Variants in VGLL3 observed in about 807,000 individuals in gnomAD.
The protein encoded by VGLL3 is vestigial like family member 3.
In VGLL3, 18 loss-of-function variants were observed where a neutral mutation model predicts 29.2. The ratio of observed to expected loss-of-function variants is 0.62; its 90% CI spans 0.43 to 0.91. The LOEUF is 0.91. Among genes scored for constraint, VGLL3 ranks in the 40% least tolerant of loss-of-function variants. The pLI, the probability that VGLL3 is intolerant of heterozygous loss-of-function variation, is 0.00. For missense variants in VGLL3, 440 were observed against 413.2 expected (o/e 1.06, Z -0.56); for synonymous variants, 180 against 151.8 (o/e 1.19, Z -1.36).
intron 3 of VGLL3, among the ~76,000 whole-genome samples, chr3:86,950,395 T>G (rs183647934): frequency 6.6e-6 from 1 of 152,136 alleles, no homozygotes; most frequent in African/African-American, 2.4e-5. Flanking sequence ...ATGAAAAAAT[T>G]TAAGTTAAGA....
intron 2 of VGLL3, among the ~76,000 whole-genome samples, chr3:86,976,124 A>C (rs945117425): frequency 1.3e-5 from 2 of 152,064 alleles, no homozygotes; most frequent in African/African-American, 4.8e-5. Context: ...CAAAAAAAAA[A>C]AGTTCTAAAG....
intron 2 of VGLL3, among the ~76,000 whole-genome samples, chr3:86,974,742 T>TA (rs1559730566): frequency 6.6e-6 from 1 of 152,200 alleles, no homozygotes; most frequent in Non-Finnish European, 1.5e-5. Flanking sequence ...GGCACTGTAA[T>TA]AACTTTATGC....
chr3:86,956,079 T>C (rs1373652629), intron 3 of VGLL3, among the ~76,000 whole-genome samples: 1 of 152,220 alleles, frequency 6.6e-6, no homozygotes, highest in Non-Finnish European at 1.5e-5. Context: ...TATCTGTAAA[T>C]TCCTCAGGCC....
At chr3:86,974,281 C>A (rs1418165376) in intron 2 of VGLL3, among the ~76,000 whole-genome samples, 2 of 151,950 alleles carry the variant, frequency 1.3e-5, no homozygotes, top group African/African-American at 2.4e-5. Flanking sequence ...CCTTGCCTGG[C>A]TAATTTTTTG....
chr3:86,964,421 G>C (rs780206721), intron 3 of VGLL3, among the ~76,000 whole-genome samples: 17 of 152,046 alleles, frequency 1.1e-4, no homozygotes, highest in Non-Finnish European at 2.5e-4. Flanking sequence ...AGATTTCAAG[G>C]TTTTCTTAAT....
rs1704423663 is a variant in VGLL3, at chr3:86,942,698, C to T, written c.*4326G>A. 6.6e-6 allele frequency: 1 copy of T among 152,110 alleles called. No individual in the cohort carries two copies. Among genetic ancestry groups the T allele is most frequent in the South Asian group, 2.1e-4 (1 of 4,834 alleles). The allele number at this position is 152,110 out of a possible 1,614,324, so 9.4% of individuals were successfully genotyped here. A position where few individuals can be genotyped will look rare whatever the true frequency, so the allele number is the denominator to read the frequency against. On this transcript the variant is annotated 3_prime_UTR_variant, in exon 4 of 4. Transcript: ENST00000398399. ...AAAACTGAATTGGACCTACATGCCA[C>T]TTTAAGGTTAATTTATTTTTCCTTC...
intron 2 of VGLL3, among the ~76,000 whole-genome samples, chr3:86,974,521 C>T (rs976107389): frequency 2.0e-5 from 3 of 152,248 alleles, no homozygotes; most frequent in African/African-American, 7.2e-5. Flanking sequence ...AAGTAAAATA[C>T]ATATACTTCC....
At chr3:86,964,173 C>A (rs1704913015) in intron 3 of VGLL3, among the ~76,000 whole-genome samples, 1 of 152,102 alleles carries the variant, frequency 6.6e-6, no homozygotes, top group Non-Finnish European at 1.5e-5. Context: ...CAGCACCAAC[C>A]AATAAAGTTT....
chr3:86,986,030 T>TAC (rs915375985), intron 1 of VGLL3, among the ~76,000 whole-genome samples: 3 of 131,494 alleles, frequency 2.3e-5, no homozygotes, highest in East Asian at 2.2e-4. Context: ...TATATATATA[T>TAC]ACACACACAC....
chr3:86,962,129 T>C (rs892735331), intron 3 of VGLL3: 47 of 985,282 alleles, frequency 4.8e-5, no homozygotes, highest in African/African-American at 1.9e-4. Context: ...AAAAGCCTAA[T>C]GTGAGATTTG....
At chr3:86,982,307 G>A (rs1705342310) in intron 1 of VGLL3, among the ~76,000 whole-genome samples, 1 of 152,004 alleles carries the variant, frequency 6.6e-6, no homozygotes, top group East Asian at 1.9e-4. Flanking sequence ...ACGATGCCCA[G>A]CTAATTTTTT....
intron 3 of VGLL3, among the ~76,000 whole-genome samples, chr3:86,956,792 C>CAAAAAAAAAA (rs55781336): frequency 1.1e-5 from 1 of 90,860 alleles, no homozygotes; most frequent in Non-Finnish European, 2.1e-5. Flanking sequence ...CCCACCGTCC[C>CAAAAAAAAAA]AAAAAAAAAA....
chr3:86,965,849 A>T lies in VGLL3; in HGVS notation c.937+2741T>A, dbSNP rs561775869. Among the ~76,000 whole-genome samples the T allele has an allele frequency of 3.3e-4, 50 of 152,288 alleles. 1 individual carries two copies. In the South Asian group the frequency reaches 0.01, roughly 31 times the overall value. On this transcript the variant is annotated intron_variant, in intron 3 of 3. Transcript: ENST00000398399. Reference sequence around the variant, plus strand: ...TAGAATCCAGGCCTCTATTGACTTCATCAGTGAGACTTCTGCCCAAATCTC... The same window carrying T: ...TAGAATCCAGGCCTCTATTGACTTCTTCAGTGAGACTTCTGCCCAAATCTC...
At chr3:86,971,107 G>A (rs1376969064) in intron 2 of VGLL3, among the ~76,000 whole-genome samples, 3 of 152,100 alleles carry the variant, frequency 2.0e-5, no homozygotes, top group Non-Finnish European at 4.4e-5. Context: ...GGTATGAATG[G>A]AGGATATCTT....
At chr3:86,966,605 C>T (rs1282169730) in intron 3 of VGLL3, among the ~76,000 whole-genome samples, 4 of 151,180 alleles carry the variant, frequency 2.6e-5, no homozygotes, top group Non-Finnish European at 4.4e-5. Flanking sequence ...GATGTTATCC[C>T]AGCAATCTCT....
At chr3:86,949,700 C>A (rs1461665539) in intron 3 of VGLL3, among the ~76,000 whole-genome samples, 1 of 151,350 alleles carries the variant, frequency 6.6e-6, no homozygotes, top group Non-Finnish European at 1.5e-5. Flanking sequence ...ATGGCGGGCG[C>A]CCTGTAGTCC....
In VGLL3 at chr3:86,938,132, T is replaced by C. The variant is rs182126007; in HGVS notation, c.*8892A>G. The stretch of plus-strand genomic sequence containing the variant: ...TCTAATCTTTGACTTAACGATATTT[T>C]CCCAGACTTACTGAGTTATAATTGA... On this transcript the variant is annotated 3_prime_UTR_variant, in exon 4 of 4. Coordinates refer to ENST00000398399, the MANE Select transcript of VGLL3 (RefSeq NM_016206.4). The C allele has an allele frequency of 4.6e-5, 7 of 152,352 alleles. No individual in the cohort carries two copies. The highest frequency in any genetic ancestry group is 1.7e-4 in the African/African-American group (7 of 41,586). The allele number at this position is 152,352 out of a possible 1,614,324, so 9.4% of individuals were successfully genotyped here.
intron 1 of VGLL3, among the ~76,000 whole-genome samples, chr3:86,986,524 T>C (rs907421196): frequency 6.6e-6 from 1 of 152,164 alleles, no homozygotes; most frequent in African/African-American, 2.4e-5. Context: ...GAAGTTAATT[T>C]GTGTAGTGTG....
In VGLL3 at chr3:86,946,901, GAC is replaced by G; in HGVS notation, c.*121_*122del. ...AAGGCCGAAAACCAGTCAACTGCGT[GAC>G]ACTTTGTCTTCTCCTTCTATGCCTT... On this transcript the variant is annotated 3_prime_UTR_variant, in exon 4 of 4. Transcript: ENST00000398399. The G allele has an allele frequency of 2.9e-6, 2 of 681,376 alleles. No homozygotes were observed. Among genetic ancestry groups the G allele is most frequent in the Non-Finnish European group, 5.4e-6 (2 of 368,508 alleles). The allele number at this position is 681,376 out of a possible 1,614,324, so 42.2% of individuals were successfully genotyped here.
Sources: gnomAD v4.1 joint callset for allele counts (sites outside exome capture counted in the v4.1 genomes callset) on GRCh38, gnomAD v4.1.1 for gene constraint, MANE v1.5 for transcripts, NCBI Gene and HGNC (gene_info 2026-07-23, HGNC 2026-07-21) for gene names.